ADGRG2: variants seen among roughly 807,000 people sequenced by gnomAD.
ADGRG2 encodes the protein G protein-coupled receptor 64.
ADGRG2 carries 26 observed loss-of-function variants against 74.1 expected under a neutral mutation model. The observed-to-expected ratio is 0.35, with a 90% confidence interval of 0.26 to 0.49. The LOEUF (loss-of-function observed/expected upper bound fraction) is 0.49, where lower values mean the gene tolerates loss of function less well. Among genes scored for constraint, ADGRG2 ranks in the 20% least tolerant of loss-of-function variants. The pLI, the probability that ADGRG2 is intolerant of heterozygous loss-of-function variation, is 0.99. For missense variants in ADGRG2, 619 were observed against 763.1 expected (o/e 0.81, Z 2.22); for synonymous variants, 296 against 295.2 (o/e 1.00, Z -0.03).
At chrX:19,048,910 G>A (rs910465342) in intron 3 of ADGRG2, among the ~76,000 whole-genome samples, 3 of 111,916 alleles carry the variant, frequency 2.7e-5, no homozygotes, top group Non-Finnish European at 5.6e-5. Flanking sequence ...AAAGCGGGAG[G>A]CCGACTCACC....
chrX:19,036,653 A>ACACACACACAC (rs749830664), intron 6 of ADGRG2, among the ~76,000 whole-genome samples: 1 of 109,652 alleles, frequency 9.1e-6, no homozygotes, highest in African/African-American at 3.3e-5. Context: ...ACACACACAC[A>ACACACACACAC]AAATGGGATC....
At chrX:19,018,297 T>TTTG (rs2060511490) in intron 15 of ADGRG2, among the ~76,000 whole-genome samples, 2 of 107,244 alleles carry the variant, frequency 1.9e-5, no homozygotes, top group African/African-American at 7.0e-5. Flanking sequence ...TTGTTTGTTT[T>TTTG]TTTTTAATTT....
chrX:19,110,712 AAAAAAAC>A (rs2062398299), intron 1 of ADGRG2, among the ~76,000 whole-genome samples: 1 of 110,015 alleles, frequency 9.1e-6, no homozygotes, highest in African/African-American at 3.3e-5. Context: ...CAAACAAAAA[AAAAAAAC>A]AAAAAAACAG....
intron 1 of ADGRG2, among the ~76,000 whole-genome samples, chrX:19,110,375 A>C (rs138957607): frequency 9.0e-6 from 1 of 111,424 alleles, no homozygotes; most frequent in Non-Finnish European, 1.9e-5. Context: ...AATGATGAGG[A>C]ACCAGCAATA....
intron 3 of ADGRG2, among the ~76,000 whole-genome samples, chrX:19,063,909 G>T (rs1450430906): frequency 8.9e-6 from 1 of 111,994 alleles, no homozygotes; most frequent in East Asian, 2.8e-4. Context: ...GACAGACAAG[G>T]GGGTGAATCC....
intron 3 of ADGRG2, among the ~76,000 whole-genome samples, chrX:19,056,826 G>T (rs1037339933): frequency 4.5e-5 from 5 of 111,336 alleles, no homozygotes; most frequent in Non-Finnish European, 9.4e-5. Flanking sequence ...TAAAATGTCT[G>T]TGTTCATTTA....
intron 11 of ADGRG2, among the ~76,000 whole-genome samples, chrX:19,026,530 T>C (rs1334612967): frequency 9.2e-6 from 1 of 108,293 alleles, no homozygotes; most frequent in Admixed American, 9.8e-5. Context: ...AGTTTCGCTC[T>C]TGTCACCCAG....
chrX:19,099,811 G>T lies in ADGRG2; in HGVS notation c.-46-17065C>A, dbSNP rs771830107. 2.7e-5 allele frequency among the ~76,000 whole-genome samples: 3 copies of T among 111,747 alleles called. No individual in the cohort carries two copies. The South Asian group carries it at 1.1e-3, about 42-fold the overall frequency. ...ACATTTTGGGAGCCTGAGCTGAAAG[G>T]ATCCCTTGAACCCAGGGATTTGAGA... On this transcript the variant is annotated intron_variant, in intron 1 of 28. Coordinates refer to ENST00000379869, the MANE Select transcript of ADGRG2 (RefSeq NM_001079858.3).
At chrX:18,997,914 G>A (rs2060048441) in intron 26 of ADGRG2, among the ~76,000 whole-genome samples, 1 of 112,837 alleles carries the variant, frequency 8.9e-6, no homozygotes. Flanking sequence ...GTGAATTATT[G>A]TTATTGTAAT....
At chrX:19,087,397 G>T (rs1280827377) in intron 1 of ADGRG2, among the ~76,000 whole-genome samples, 2 of 112,690 alleles carry the variant, frequency 1.8e-5, no homozygotes, top group Non-Finnish European at 3.8e-5. Flanking sequence ...GGCATCAGCT[G>T]TGGGCAGTAA....
At chrX:19,051,374 C>A (rs1304381931) in intron 3 of ADGRG2, among the ~76,000 whole-genome samples, 2 of 111,523 alleles carry the variant, frequency 1.8e-5, no homozygotes, top group Non-Finnish European at 3.8e-5. Context: ...GCGCCCGGCC[C>A]CATGACACTC....
rs757924540 is a variant in ADGRG2 at position 18,999,250 on chromosome X, T to G, written c.2360A>C (p.Tyr787Ser). 1 of 1,203,961 alleles carries G rather than the reference T, an allele frequency of 8.3e-7. No homozygotes were observed. Among genetic ancestry groups the G allele is most frequent in the South Asian group, 1.8e-5 (1 of 55,979 alleles). The change falls in exon 26 of 29, where the codon TAC becomes TCC. Residue 787 changes from tyrosine (Y) to serine (S), a missense_variant. Around this residue, in one of 3 missense-constraint regions of ADGRG2, gnomAD observed 221 missense variants for 340.6 expected, o/e 0.65. Transcript: ENST00000379869. The stretch of plus-strand genomic sequence containing the variant: ...ACAGAAATATCCCACCACCGTAATG[T>G]AGAATACTGCATTGTTGTTGATCCA... Reference protein sequence around the residue: ...FCWINNNAVFYITVVGYFCVI... With the variant: ...FCWINNNAVFSITVVGYFCVI...
chrX:18,995,140 T>G (rs1321868049), intron 27 of ADGRG2, 92 bp from the exon 28 acceptor site: 3 of 613,030 alleles, frequency 4.9e-6, no homozygotes, highest in African/African-American at 2.3e-5. Flanking sequence ...CCTAAGCAAC[T>G]GATTTCTCAC....
intron 3 of ADGRG2, among the ~76,000 whole-genome samples, chrX:19,064,827 A>T (rs1263999610): frequency 8.9e-6 from 1 of 111,949 alleles, no homozygotes; most frequent in East Asian, 2.8e-4. Flanking sequence ...CAAGTTGCTT[A>T]ACTCCTCTGT....
At chrX:19,122,719 G>C (rs1226593769), upstream of ADGRG2, 1 of 110,892 alleles carries the variant, frequency 9.0e-6, no homozygotes, top group Non-Finnish European at 1.9e-5. Flanking sequence ...GGAGCTCGGG[G>C]CAGGGGCAGG....
At chrX:18,998,937 G>T in intron 26 of ADGRG2, 59 bp downstream of exon 26, 1 of 968,282 alleles carries the variant, frequency 1.0e-6, no homozygotes, top group Non-Finnish European at 1.4e-6. Flanking sequence ...TCTTTTAGTA[G>T]CTACATTTTT....
intron 1 of ADGRG2, 118 bp from the exon 2 acceptor site, chrX:19,082,864 C>G (rs1238694700): frequency 8.9e-6 from 1 of 112,567 alleles, no homozygotes; most frequent in Non-Finnish European, 1.9e-5. Context: ...CCTGGGCTCC[C>G]TACTGCACGT....
chrX:19,096,186 G>A (rs751675935), intron 1 of ADGRG2, among the ~76,000 whole-genome samples: 86 of 110,750 alleles, frequency 7.8e-4, no homozygotes, highest in Admixed American at 1.3e-3. Flanking sequence ...TGAGTCAGGC[G>A]GATCACCTGA....
At chrX:19,064,550 C>A (rs1056159930) in intron 3 of ADGRG2, among the ~76,000 whole-genome samples, 5 of 112,171 alleles carry the variant, frequency 4.5e-5, no homozygotes, top group African/African-American at 6.5e-5. Context: ...ACTAAAAGAA[C>A]CCCTGCCCCA....
Sources: gnomAD v4.1 joint callset for allele counts (sites outside exome capture counted in the v4.1 genomes callset) on GRCh38, gnomAD v4.1.1 for gene constraint, gnomAD v4.1.1 regional missense constraint, MANE v1.5 for transcripts, NCBI Gene and HGNC (gene_info 2026-07-23, HGNC 2026-07-21) for gene names.